Variants in ZSCAN31 observed in about 807,000 individuals in gnomAD.
ZSCAN31 encodes the protein zinc finger and SCAN domain-containing protein 31.
Under a neutral mutation model 22.5 loss-of-function variants are expected in ZSCAN31, and 14 were observed. The observed-to-expected ratio is 0.62, with a 90% CI of 0.41 to 0.97. ZSCAN31 has a LOEUF of 0.97. ZSCAN31 is among the 50% of genes least tolerant of loss of function. The pLI, the probability that ZSCAN31 is intolerant of heterozygous loss-of-function variation, is 0.00. For missense variants in ZSCAN31, 424 were observed against 483.4 expected, an observed-to-expected ratio of 0.88 and a Z score of 1.15; for synonymous variants, 168 against 169.8, an observed-to-expected ratio of 0.99 and a Z score of 0.08.
chr6:28,344,609 A>C (rs951007730), intron 2 of ZSCAN31, among the ~76,000 whole-genome samples: 6 of 152,222 alleles, frequency 3.9e-5, no homozygotes, highest in African/African-American at 2.4e-5. Flanking sequence ...TATTTGGATT[A>C]AGTATCATGG....
rs1272355429 is a variant in ZSCAN31, at chr6:28,325,340, A to G, written c.*826T>C. The G allele has an allele frequency of 6.6e-6, 1 of 152,244 alleles. No homozygotes were observed. Among genetic ancestry groups the G allele is most frequent in the Non-Finnish European group, 1.5e-5 (1 of 68,042 alleles). 9.4% of individuals were successfully genotyped at this position (152,244 alleles called of 1,614,324 possible). ...TGAAGAACAGAGATTTTAAAGTATCATCTTACTTATTATTTGTAACAAAAA... is the reference window on the plus strand; with the variant it reads ...TGAAGAACAGAGATTTTAAAGTATCGTCTTACTTATTATTTGTAACAAAAA... On this transcript the variant is annotated 3_prime_UTR_variant, in exon 4 of 4. Coordinates refer to ENST00000344279, the MANE Select transcript of ZSCAN31 (RefSeq NM_030899.5).
chr6:28,343,583 G>A (rs1348181722), intron 2 of ZSCAN31, among the ~76,000 whole-genome samples: 29 of 119,632 alleles, frequency 2.4e-4, no homozygotes, highest in Admixed American at 5.9e-4. Flanking sequence ...TCGCTCTGTC[G>A]CCCAGGCTGG....
intron 2 of ZSCAN31, among the ~76,000 whole-genome samples, chr6:28,352,883 G>C (rs1362677850): frequency 6.6e-6 from 1 of 152,062 alleles, no homozygotes; most frequent in Non-Finnish European, 1.5e-5. Context: ...CTGAGGAATA[G>C]AGGTTCAGGA....
chr6:28,352,839 T>C (rs1464426903), intron 2 of ZSCAN31, among the ~76,000 whole-genome samples: 2 of 152,188 alleles, frequency 1.3e-5, no homozygotes, highest in African/African-American at 2.4e-5. Flanking sequence ...TTTCCTTCTA[T>C]TCCCTACCAT....
At chr6:28,354,006 A>G in intron 1 of ZSCAN31, 1 of 453,320 alleles carries the variant, frequency 2.2e-6, no homozygotes, top group Non-Finnish European at 4.4e-6. Context: ...CAGCTCTCAC[A>G]CTGTCTGCCT....
rs1260863000 is a variant in ZSCAN31, at chr6:28,331,846, A to G, written c.-95-2068T>C. Among the ~76,000 whole-genome samples the G allele has an allele frequency of 6.6e-6, 1 of 152,182 alleles. No homozygotes were observed. The highest frequency in any genetic ancestry group is 2.4e-5 in the African/African-American group (1 of 41,442). On this transcript the variant is annotated intron_variant, in intron 1 of 3. Coordinates refer to ENST00000344279, the MANE Select transcript of ZSCAN31 (RefSeq NM_030899.5). This position sits in a 1 kb window ranked among gnomAD's most constrained non-coding sequence, Gnocchi z 4.8. ...TTTGTTTTTTGTTTTCTTGATCACT[A>G]CAGGCAATCTCTCACATACCCAAAG...
chr6:28,350,626 A>C (rs2113878679), intron 2 of ZSCAN31, among the ~76,000 whole-genome samples: 1 of 152,342 alleles, frequency 6.6e-6, no homozygotes, highest in East Asian at 1.9e-4. Flanking sequence ...CAGAGTAAGC[A>C]TGATTTAAAG....
chr6:28,344,417 G>A (rs1159065258), intron 2 of ZSCAN31, among the ~76,000 whole-genome samples: 1 of 152,192 alleles, frequency 6.6e-6, no homozygotes, highest in Non-Finnish European at 1.5e-5. Context: ...CTGGACATGT[G>A]CAGGACTAGA....
At position 28,329,437 on chromosome 6, in the gene ZSCAN31, C is replaced by A; in HGVS notation, c.247G>T (p.Val83Leu). The change falls in exon 2 of 4, where the codon GTG becomes TTG. Residue 83 changes from valine (V) to leucine (L), a missense_variant. Val to Leu is a conservative substitution (Grantham distance 32). Coordinates refer to ENST00000344279, the MANE Select transcript of ZSCAN31 (RefSeq NM_030899.5). ...AGGATAGTCAGGAATTGCTCCAGCA[C>A]CAGCAGCTCCAAGATTTGCTCTTTG... ...HTKEQILELLVLEQFLTILPE... is the reference protein window; with the variant it reads ...HTKEQILELLLLEQFLTILPE... 1 of 1,614,228 alleles carries A rather than the reference C, an allele frequency of 6.2e-7. No homozygotes were observed. Among genetic ancestry groups the A allele is most frequent in the East Asian group, 2.2e-5 (1 of 44,874 alleles).
chr6:28,332,450 A>G (rs1763825172), intron 1 of ZSCAN31: 2 of 152,264 alleles, frequency 1.3e-5, no homozygotes, highest in African/African-American at 4.8e-5. Context: ...GCACTGCAGT[A>G]CAGTGAATAA....
At chr6:28,335,131 C>T (rs1764043431) in intron 1 of ZSCAN31, among the ~76,000 whole-genome samples, 1 of 152,110 alleles carries the variant, frequency 6.6e-6, no homozygotes, top group Admixed American at 6.5e-5. Flanking sequence ...GAAAGGGCTA[C>T]CTAGCTTGCC....
chr6:28,346,668 G>A (rs917520245), intron 2 of ZSCAN31, among the ~76,000 whole-genome samples: 6 of 152,030 alleles, frequency 3.9e-5, no homozygotes, highest in African/African-American at 1.4e-4. Flanking sequence ...CCTTGGTACA[G>A]TCTTTATTAT....
At chr6:28,350,613 G>A (rs560841628) in intron 2 of ZSCAN31, among the ~76,000 whole-genome samples, 1 of 152,254 alleles carries the variant, frequency 6.6e-6, no homozygotes, top group South Asian at 2.1e-4. Flanking sequence ...TATGGGTAAG[G>A]TGCAGAGTAA....
In ZSCAN31 at chr6:28,347,910, G is replaced by A. The variant is rs541528538; in HGVS notation, c.-371+5952C>T. Reference sequence around the variant, plus strand: ...AATTTTCACATTCTTATCAGCAAATGTTATTACTCAGGTGTTGGTATAAAA... The same window carrying A: ...AATTTTCACATTCTTATCAGCAAATATTATTACTCAGGTGTTGGTATAAAA... On this transcript the variant is annotated intron_variant, in intron 2 of 7. Transcript: ENST00000396838. The surrounding 1 kb of genome is among the most constrained non-coding windows in gnomAD (Gnocchi z 5.2). Among the ~76,000 whole-genome samples, 11 of 152,280 alleles carry A rather than the reference G, an allele frequency of 7.2e-5. No individual in the cohort carries two copies. Among genetic ancestry groups the A allele is most frequent in the Non-Finnish European group, 5.9e-5 (4 of 68,014 alleles).
chr6:28,340,557 C>T (rs1055478813), upstream of ZSCAN31, among the ~76,000 whole-genome samples: 2 of 152,204 alleles, frequency 1.3e-5, no homozygotes, highest in African/African-American at 4.8e-5. Flanking sequence ...TTCCTGAGGT[C>T]TCCCCAGCCA....
chr6:28,332,461 C>A (rs967064052), intron 1 of ZSCAN31: 1 of 152,156 alleles, frequency 6.6e-6, no homozygotes, highest in Non-Finnish European at 1.5e-5. Flanking sequence ...CAGTGAATAA[C>A]GTTCAAATCC....
upstream of ZSCAN31, among the ~76,000 whole-genome samples, chr6:28,338,068 A>G (rs888263107): frequency 1.1e-4 from 15 of 142,352 alleles, no homozygotes; most frequent in African/African-American, 4.2e-4. Flanking sequence ...TAAATAAATA[A>G]AGAAGGAAAA....
rs1764708838 is a variant in ZSCAN31, at chr6:28,347,919, C to G, written c.-371+5943G>C. Among the ~76,000 whole-genome samples the G allele has an allele frequency of 2.0e-5, 3 of 152,180 alleles. No individual in the cohort carries two copies. Among genetic ancestry groups the G allele is most frequent in the Non-Finnish European group, 4.4e-5 (3 of 68,030 alleles). On this transcript the variant is annotated intron_variant, in intron 2 of 7. Transcript: ENST00000396838. This position sits in a 1 kb window ranked among gnomAD's most constrained non-coding sequence, Gnocchi z 5.2. Reference sequence around the variant, plus strand: ...ATTCTTATCAGCAAATGTTATTACTCAGGTGTTGGTATAAAATGATTTAAA... The same window carrying G: ...ATTCTTATCAGCAAATGTTATTACTGAGGTGTTGGTATAAAATGATTTAAA...
chr6:28,354,334 C>G (rs1765277530), upstream of ZSCAN31: 1 of 219,598 alleles, frequency 4.6e-6, no homozygotes. Context: ...CTCGCTGAGT[C>G]ACGCTGGCCT....
Sources: allele counts gnomAD v4.1 joint callset (sites outside exome capture counted in the v4.1 genomes callset), GRCh38; gene constraint gnomAD v4.1.1; non-coding constraint Gnocchi (gnomAD v3.1); transcripts MANE v1.5; gene names NCBI Gene and HGNC (gene_info 2026-07-23, HGNC 2026-07-21).